The following ANAPC10 variants were observed in gnomAD, a reference collection of about 807,000 sequenced individuals.
ANAPC10 encodes anaphase-promoting complex subunit 10.
ANAPC10 carries 12 observed loss-of-function variants against 22.0 expected under a neutral mutation model. The ratio of observed to expected loss-of-function variants is 0.55; its 90% CI spans 0.35 to 0.88. The LOEUF is 0.88. ANAPC10 is among the 40% of genes least tolerant of loss of function. The pLI is 0.01. For missense variants in ANAPC10, 188 were observed against 220.9 expected (o/e 0.85, Z 0.94); for synonymous variants, 65 against 69.5 (o/e 0.94, Z 0.32).
intron 2 of ANAPC10, among the ~76,000 whole-genome samples, chr4:145,094,834 T>A (rs1748249882): frequency 6.6e-6 from 1 of 151,178 alleles, no homozygotes; most frequent in South Asian, 2.1e-4. Context: ...TAGGCCTTTA[T>A]ATCCACAACA....
At chr4:145,007,512 G>A (rs1733580067) in intron 4 of ANAPC10, among the ~76,000 whole-genome samples, 1 of 152,026 alleles carries the variant, frequency 6.6e-6, no homozygotes, top group Non-Finnish European at 1.5e-5. Flanking sequence ...TACAACTCAG[G>A]ATTAAGAAAC....
At chr4:145,055,677 G>GT (rs1741962389) in intron 4 of ANAPC10, among the ~76,000 whole-genome samples, 1 of 152,102 alleles carries the variant, frequency 6.6e-6, no homozygotes, top group African/African-American at 2.4e-5. Context: ...AATATTGTAT[G>GT]ATTTCACTTA....
chr4:145,024,503 T>C (rs1314786379), intron 4 of ANAPC10, among the ~76,000 whole-genome samples: 1 of 152,224 alleles, frequency 6.6e-6, no homozygotes, highest in Non-Finnish European at 1.5e-5. Flanking sequence ...TCAGCAAACA[T>C]GAAAACATTA....
chr4:145,002,313 A>G (rs1177636256), intron 4 of ANAPC10, among the ~76,000 whole-genome samples: 1 of 152,188 alleles, frequency 6.6e-6, no homozygotes, highest in African/African-American at 2.4e-5. Context: ...AAAGCAGCTT[A>G]AGAAGAAAGA....
chr4:144,995,829 G>T (rs190957568), intron 4 of ANAPC10, among the ~76,000 whole-genome samples: 1 of 152,260 alleles, frequency 6.6e-6, no homozygotes. Context: ...AAATAGATGT[G>T]CTTCATGTTT....
Position 145,081,883 on chromosome 4 carries a change from T to C in ANAPC10, c.116-133A>G, listed in dbSNP as rs563435878. On this transcript the variant is annotated intron_variant, in intron 2 of 4. Coordinates refer to ENST00000507656, the MANE Select transcript of ANAPC10 (RefSeq NM_001256706.2). ...GGTCAGAAATATTAATTTTTTTTTA[T>C]TTATTTTTTGTAGACAGGGTCTTGC... 2.7e-5 allele frequency: 19 copies of C among 705,508 alleles called. No individual in the cohort carries two copies. In the African/African-American group the frequency reaches 2.7e-4, roughly 10 times the overall value. The allele number at this position is 705,508 out of a possible 1,614,324, so 43.7% of individuals were successfully genotyped here.
intron 4 of ANAPC10, among the ~76,000 whole-genome samples, chr4:145,056,885 C>A (rs1044206415): frequency 6.6e-6 from 1 of 152,102 alleles, no homozygotes; most frequent in African/African-American, 2.4e-5. Flanking sequence ...CATATCCTGT[C>A]ATATGGTTAA....
chr4:145,056,460 A>C (rs1742087596), intron 4 of ANAPC10, among the ~76,000 whole-genome samples: 1 of 152,098 alleles, frequency 6.6e-6, no homozygotes, highest in South Asian at 2.1e-4. Flanking sequence ...TGTAGTAGCC[A>C]TTCTTTCATT....
At chr4:145,065,224 CTTTT>C (rs1191463189) in intron 3 of ANAPC10, among the ~76,000 whole-genome samples, 4 of 151,598 alleles carry the variant, frequency 2.6e-5, no homozygotes, top group Admixed American at 2.0e-4. Context: ...TTCTTTCTTT[CTTTT>C]GCTATTGATT....
Position 144,995,360 on chromosome 4 carries a change from T to C in ANAPC10, c.*13A>G, listed in dbSNP as rs1271317541. 2 of 1,536,264 alleles carry C rather than the reference T, an allele frequency of 1.3e-6. No homozygotes were observed. Among genetic ancestry groups the C allele is most frequent in the Non-Finnish European group, 9.0e-7 (1 of 1,115,002 alleles). On this transcript the variant is annotated 3_prime_UTR_variant, in exon 5 of 5. Transcript: ENST00000507656. ...ACAAAGATACGTTTAATGATTTTCG[T>C]CTCATTTTAAAGTCACCTTATTGAA...
rs537734261 is a variant in ANAPC10 at position 145,078,168 on chromosome 4, G to A, written c.206+3492C>T. On this transcript the variant is annotated intron_variant, in intron 3 of 4. Coordinates refer to ENST00000507656, the MANE Select transcript of ANAPC10 (RefSeq NM_001256706.2). ...CTCCTAGATCTGATGAACAACTTCA[G>A]CAAAGTTTCAGGATACAAAATCAAT... 2.6e-5 allele frequency among the ~76,000 whole-genome samples: 4 copies of A among 152,140 alleles called. No individual in the cohort carries two copies. In the South Asian group the frequency reaches 6.2e-4, roughly 24 times the overall value.
At chr4:145,015,691 A>C (rs1295483851) in intron 4 of ANAPC10, among the ~76,000 whole-genome samples, 3 of 152,194 alleles carry the variant, frequency 2.0e-5, no homozygotes, top group Non-Finnish European at 4.4e-5. Context: ...GTGAGACAAA[A>C]GTACCAGGTA....
chr4:145,018,957 T>C (rs775116696), intron 4 of ANAPC10, among the ~76,000 whole-genome samples: 2 of 152,082 alleles, frequency 1.3e-5, no homozygotes, highest in Admixed American at 6.6e-5. Flanking sequence ...AAACAATTAC[T>C]AATAGACCTA....
chr4:145,046,153 A>C (rs1353150055), intron 4 of ANAPC10, among the ~76,000 whole-genome samples: 1 of 152,110 alleles, frequency 6.6e-6, no homozygotes, highest in South Asian at 2.1e-4. Context: ...TTCACTGCTT[A>C]ATGGAAAAGT....
intron 4 of ANAPC10, among the ~76,000 whole-genome samples, chr4:145,012,885 G>A (rs993225148): frequency 3.3e-5 from 5 of 152,166 alleles, no homozygotes; most frequent in Non-Finnish European, 7.3e-5. Flanking sequence ...GGGGGGCCTG[G>A]TGGGAAATGA....
chr4:145,006,170 T>C (rs965411336), intron 4 of ANAPC10, among the ~76,000 whole-genome samples: 3 of 152,192 alleles, frequency 2.0e-5, no homozygotes, highest in African/African-American at 7.2e-5. Flanking sequence ...GGCAGTTAAG[T>C]CCTCTTCTTG....
chr4:145,016,919 T>C (rs1735259047), intron 4 of ANAPC10, among the ~76,000 whole-genome samples: 1 of 152,330 alleles, frequency 6.6e-6, no homozygotes, highest in East Asian at 1.9e-4. Context: ...GCTAGCCATA[T>C]GTAGAAAGCT....
intron 1 of ANAPC10, chr4:145,097,653 T>C: frequency 1.5e-6 from 1 of 648,746 alleles, no homozygotes; most frequent in African/African-American, 1.9e-5. Flanking sequence ...AATAAACAGA[T>C]GAATAGGTTC....
At chr4:145,054,514 G>A (rs1425372986) in intron 4 of ANAPC10, among the ~76,000 whole-genome samples, 4 of 148,928 alleles carry the variant, frequency 2.7e-5, no homozygotes, top group Middle Eastern at 3.4e-3. Context: ...GCGAGATCGC[G>A]CCACTGCACT....
Sources: allele counts gnomAD v4.1 joint callset (sites outside exome capture counted in the v4.1 genomes callset), GRCh38; gene constraint gnomAD v4.1.1; transcripts MANE v1.5; gene names NCBI Gene and HGNC (gene_info 2026-07-23, HGNC 2026-07-21).